Variants in STRBP observed in about 807,000 individuals in gnomAD.
STRBP encodes the protein spermatid perinuclear RNA-binding protein.
In STRBP, 13 loss-of-function variants were observed where a neutral mutation model predicts 80.1. That is an observed-to-expected ratio of 0.16 (90% CI 0.11 to 0.26). The LOEUF (loss-of-function observed/expected upper bound fraction) is 0.26. STRBP is among the 10% of genes least tolerant of loss of function. The pLI is 1.00. For missense variants in STRBP, 485 were observed against 815.2 expected (o/e 0.59, Z 4.93); for synonymous variants, 284 against 291.2 (o/e 0.98, Z 0.25).
chr9:123,209,700 C>T (rs182347840), intron 2 of STRBP, among the ~76,000 whole-genome samples: 136 of 152,230 alleles, frequency 8.9e-4, no homozygotes, highest in African/African-American at 2.9e-3. Flanking sequence ...AGAGTGCATA[C>T]ATGGAAGTGA....
At chr9:123,205,817 T>A (rs563056460) in intron 2 of STRBP, among the ~76,000 whole-genome samples, 1 of 152,236 alleles carries the variant, frequency 6.6e-6, no homozygotes, top group African/African-American at 2.4e-5. Context: ...AAAAGACAAG[T>A]AGCTTTTCAG....
At chr9:123,211,335 C>A (rs1281813681) in intron 2 of STRBP, among the ~76,000 whole-genome samples, 1 of 152,010 alleles carries the variant, frequency 6.6e-6, no homozygotes, top group Non-Finnish European at 1.5e-5. Context: ...AAAAAGTATT[C>A]CTTCTAAGAA....
chr9:123,243,839 G>A (rs1192410754), intron 1 of STRBP, among the ~76,000 whole-genome samples: 1 of 152,078 alleles, frequency 6.6e-6, no homozygotes, highest in Non-Finnish European at 1.5e-5. Context: ...ATGTAAAATG[G>A]TACTTTGGAA....
At chr9:123,263,417 C>G (rs2041198898) in intron 1 of STRBP, among the ~76,000 whole-genome samples, 1 of 148,614 alleles carries the variant, frequency 6.7e-6, no homozygotes, top group African/African-American at 2.5e-5. Flanking sequence ...CCCAGCTACT[C>G]GAGATGCTAA....
intron 1 of STRBP, among the ~76,000 whole-genome samples, chr9:123,246,469 A>G (rs1357972716): frequency 5.9e-5 from 9 of 152,306 alleles, no homozygotes; most frequent in Admixed American, 5.2e-4. Context: ...TGCCTGTTAC[A>G]TTACTAATGT....
intron 2 of STRBP, among the ~76,000 whole-genome samples, chr9:123,217,046 C>T (rs1187569066): frequency 1.3e-5 from 2 of 152,158 alleles, no homozygotes; most frequent in Non-Finnish European, 2.9e-5. Flanking sequence ...TATGAATCAA[C>T]TAAAAATTGA....
At chr9:123,163,654 G>A (rs1335759115) in intron 6 of STRBP, among the ~76,000 whole-genome samples, 1 of 152,118 alleles carries the variant, frequency 6.6e-6, no homozygotes, top group African/African-American at 2.4e-5. Context: ...TCATATGGTA[G>A]TACAGTGCTA....
chr9:123,160,683 C>T (rs1338787377), intron 7 of STRBP, among the ~76,000 whole-genome samples: 2 of 152,146 alleles, frequency 1.3e-5, no homozygotes, highest in South Asian at 2.1e-4. Context: ...ATGGCAACCC[C>T]ACTCCAGGCA....
At chr9:123,203,752 A>C (rs1295862193) in intron 2 of STRBP, among the ~76,000 whole-genome samples, 1 of 152,068 alleles carries the variant, frequency 6.6e-6, no homozygotes, top group African/African-American at 2.4e-5. Context: ...CAGGTGCATC[A>C]CCTGATGTCA....
chr9:123,151,435 G>A (rs1006749654), intron 11 of STRBP, among the ~76,000 whole-genome samples: 1 of 152,104 alleles, frequency 6.6e-6, no homozygotes, highest in East Asian at 1.9e-4. Context: ...ATGTGCTGGG[G>A]CATAAAATAG....
chr9:123,200,623 A>G (rs1197149960), intron 2 of STRBP, among the ~76,000 whole-genome samples: 2 of 146,504 alleles, frequency 1.4e-5, no homozygotes, highest in Non-Finnish European at 3.0e-5. Context: ...GCTAGAGTGC[A>G]GTGGCGCGAA....
Position 123,198,218 on chromosome 9 carries a change from G to A in STRBP, c.-164-13920C>T, listed in dbSNP as rs118046191. Reference sequence around the variant, plus strand: ...TGCAATGGCACGATCTCAGCTCACCGCAATCTCCACCTCCTGGGTTCAAGC... The same window carrying A: ...TGCAATGGCACGATCTCAGCTCACCACAATCTCCACCTCCTGGGTTCAAGC... On this transcript the variant is annotated intron_variant, in intron 2 of 18. Coordinates refer to ENST00000348403, the MANE Select transcript of STRBP (RefSeq NM_018387.5). 3.2e-4 allele frequency among the ~76,000 whole-genome samples: 48 copies of A among 152,160 alleles called. No homozygotes were observed. The East Asian group carries it at 7.7e-3, about 24-fold the overall frequency.
chr9:123,205,941 C>A (rs1054664609), intron 2 of STRBP, among the ~76,000 whole-genome samples: 1 of 152,094 alleles, frequency 6.6e-6, no homozygotes, highest in Non-Finnish European at 1.5e-5. Context: ...TTATGAAAAA[C>A]CACTGGAAAA....
intron 1 of STRBP, among the ~76,000 whole-genome samples, chr9:123,260,185 G>C (rs2041130130): frequency 6.6e-6 from 1 of 152,204 alleles, no homozygotes; most frequent in African/African-American, 2.4e-5. Context: ...GGGGAATAAT[G>C]ATGTTGCAGG....
chr9:123,218,370 T>TC (rs2039964741), intron 2 of STRBP, among the ~76,000 whole-genome samples: 1 of 142,408 alleles, frequency 7.0e-6, no homozygotes, highest in East Asian at 2.1e-4. Flanking sequence ...TTTTTTTTTT[T>TC]TTTTTTTTTT....
intron 2 of STRBP, among the ~76,000 whole-genome samples, chr9:123,230,680 G>A (rs1264915471): frequency 6.6e-6 from 1 of 152,100 alleles, no homozygotes; most frequent in Non-Finnish European, 1.5e-5. Context: ...AGGTGATGAG[G>A]CAATCTATGT....
intron 1 of STRBP, among the ~76,000 whole-genome samples, chr9:123,265,055 AGAG>A (rs2041239591): frequency 6.6e-6 from 1 of 152,216 alleles, no homozygotes; most frequent in Non-Finnish European, 1.5e-5. Context: ...CAAAATACTC[AGAG>A]TTTCAATCGA....
intron 1 of STRBP, among the ~76,000 whole-genome samples, chr9:123,266,559 C>T (rs1032924865): frequency 2.0e-4 from 31 of 152,064 alleles, no homozygotes; most frequent in Admixed American, 1.8e-3. Flanking sequence ...AATCTTGGCC[C>T]CTTTCATCTC....
chr9:123,177,138 T>C (rs1419982512), intron 4 of STRBP, among the ~76,000 whole-genome samples: 1 of 152,208 alleles, frequency 6.6e-6, no homozygotes, highest in Non-Finnish European at 1.5e-5. Context: ...CAGCCTCTGA[T>C]ATAAGAATAG....
Sources: allele counts gnomAD v4.1 joint callset (sites outside exome capture counted in the v4.1 genomes callset), GRCh38; gene constraint gnomAD v4.1.1; transcripts MANE v1.5; gene names NCBI Gene and HGNC (gene_info 2026-07-23, HGNC 2026-07-21).